IDUA: variants seen among roughly 807,000 people sequenced by gnomAD.
IDUA encodes iduronidase alpha-L-.
Under a neutral mutation model 68.9 loss-of-function variants are expected in IDUA, and 65 were observed. The ratio of observed to expected loss-of-function variants is 0.94; its 90% CI spans 0.77 to 1.16. IDUA has a LOEUF of 1.16. IDUA is among the 50% of genes most tolerant of loss of function. The probability of loss-of-function intolerance (pLI) is 0.00; values close to 1 mark genes in which losing one functional copy is unlikely to be tolerated. For missense variants in IDUA, 1,046 were observed against 938.0 expected, an observed-to-expected ratio of 1.12 and a Z score of -1.50; for synonymous variants, 529 against 433.6, an observed-to-expected ratio of 1.22 and a Z score of -2.73.
chr4:987,044 A>C lies in IDUA; in HGVS notation c.-41A>C. The C allele has an allele frequency of 7.0e-7, 1 of 1,423,442 alleles. No individual in the cohort carries two copies. The highest frequency in any genetic ancestry group is 9.2e-7 in the Non-Finnish European group (1 of 1,081,796). 88.2% of individuals were successfully genotyped at this position (1,423,442 alleles called of 1,614,324 possible). On this transcript the variant is annotated 5_prime_UTR_variant, in exon 1 of 14. Coordinates refer to ENST00000514224, the MANE Select transcript of IDUA (RefSeq NM_000203.5). ...ACTCCGACCCGGAGGCGGAACCGGCAGTGCAGCCCGAAGCCCCGCAGTCCC... is the reference window on the plus strand; with the variant it reads ...ACTCCGACCCGGAGGCGGAACCGGCCGTGCAGCCCGAAGCCCCGCAGTCCC...
chr4:1,004,267 T>C lies in IDUA; in HGVS notation c.1836T>C (p.Gly612=). The part of the protein sequence containing the change: ...FNLFVFSPDT[G]AVSGSYRVRA... ...ATGTCCCCTTGTCTCCAGACACAGG[T>C]GCTGTCTCTGGCTCCTACCGAGTTC... Residue 612 remains glycine (G), a synonymous_variant, in exon 14 of 14, where the codon GGT becomes GGC. Coordinates refer to ENST00000514224, the MANE Select transcript of IDUA (RefSeq NM_000203.5). This position sits in a 1 kb window ranked among gnomAD's most constrained non-coding sequence, Gnocchi z 5.0. 1 of 1,609,898 alleles carries C rather than the reference T, an allele frequency of 6.2e-7. No homozygotes were observed. The highest frequency in any genetic ancestry group is 8.5e-7 in the Non-Finnish European group (1 of 1,179,900).
In IDUA at chr4:1,002,331, C is replaced by T. The variant is rs374216702; in HGVS notation, c.1035C>T (p.Leu345=). 1.9e-6 allele frequency: 3 copies of T among 1,613,160 alleles called. No individual in the cohort carries two copies. Among genetic ancestry groups the T allele is most frequent in the East Asian group, 4.5e-5 (2 of 44,880 alleles). ...CCACCTCCGCCTTCCCCTACGCGCT[C>T]CTGAGCAACGACAATGCCTTCCTGA... is the stretch of plus-strand genomic sequence containing the variant. ...ANTTSAFPYA[L]LSNDNAFLSY... The change falls in exon 8 of 14, where the codon CTC becomes CTT. Residue 345 remains leucine, a synonymous_variant. Coordinates refer to ENST00000514224, the MANE Select transcript of IDUA (RefSeq NM_000203.5).
intron 2 of IDUA, chr4:991,512 G>A (rs770877252): frequency 3.1e-6 from 5 of 1,609,532 alleles, no homozygotes; most frequent in Non-Finnish European, 4.2e-6. Context: ...ACTCCCGCGG[G>A]CGGTACTGAC....
chr4:993,645 G>A (rs533615066), intron 2 of IDUA, among the ~76,000 whole-genome samples: 24 of 152,348 alleles, frequency 1.6e-4, no homozygotes, highest in Non-Finnish European at 3.2e-4. Flanking sequence ...GGGGCTTAGG[G>A]ACCAGCGGGA....
At chr4:993,274 G>A (rs560582309) in intron 2 of IDUA, 2 of 152,366 alleles carry the variant, frequency 1.3e-5, no homozygotes, top group Non-Finnish European at 2.9e-5. Context: ...TGCTGCAGCT[G>A]AGATCTGGGC....
Position 989,920 on chromosome 4 carries a change from C to T in IDUA, c.299+1971C>T, listed in dbSNP as rs550626988. ...CAGGGCCACGGCATCCAAAGCCACA[C>T]GCTGCATCAGCCTGGGCTCTGGGAC... is the stretch of plus-strand genomic sequence containing the variant. On this transcript the variant is annotated intron_variant, in intron 2 of 13. Coordinates refer to ENST00000514224, the MANE Select transcript of IDUA (RefSeq NM_000203.5). The T allele has an allele frequency of 3.7e-5, 58 of 1,560,114 alleles. No individual in the cohort carries two copies. In the South Asian group the frequency reaches 4.4e-4, roughly 12 times the overall value.
chr4:997,422 G>C (rs1284394159), intron 2 of IDUA, among the ~76,000 whole-genome samples: 1 of 148,076 alleles, frequency 6.8e-6, no homozygotes, highest in Admixed American at 6.7e-5. Context: ...CCATGCACGC[G>C]CGGCCCCGCC....
chr4:989,417 G>A (rs1714040970), intron 2 of IDUA: 10 of 1,557,870 alleles, frequency 6.4e-6, no homozygotes, highest in Non-Finnish European at 6.9e-6. Context: ...GCGGTGCGTG[G>A]GCGTTGGGTG....
rs2153022811 is a variant in IDUA at position 1,003,172 on chromosome 4, G to A, written c.1524+15G>A. On this transcript the variant is annotated intron_variant, in intron 10 of 13. Transcript: ENST00000514224. ...GCGCGGCTGAGGTAGGTGGGCCGCG[G>A]AGGGGCGAGGGGCCGGGCCGGGCCG... 2.2e-6 allele frequency: 3 copies of A among 1,339,276 alleles called. No homozygotes were observed. In the East Asian group the frequency reaches 9.4e-5, roughly 42 times the overall value. 83.0% of individuals were successfully genotyped at this position (1,339,276 alleles called of 1,614,324 possible).
In IDUA at chr4:1,004,176, G is replaced by A; in HGVS notation, c.1828+64G>A. 6.2e-7 allele frequency: 1 copy of A among 1,611,734 alleles called. No homozygotes were observed. The highest frequency in any genetic ancestry group is 8.5e-7 in the Non-Finnish European group (1 of 1,179,384). ...ATTCTTGGGCCTCAGGGCAGTACTG[G>A]GTGGGGGCCTCGAGAAGCCTGGGGT... On this transcript the variant is annotated intron_variant, in intron 13 of 13. Transcript: ENST00000514224. This position sits in a 1 kb window ranked among gnomAD's most constrained non-coding sequence, Gnocchi z 5.0.
chr4:998,330 C>T (rs942867990), intron 2 of IDUA, among the ~76,000 whole-genome samples: 3 of 152,186 alleles, frequency 2.0e-5, no homozygotes, highest in Non-Finnish European at 4.4e-5. Context: ...GTTGAGGTGT[C>T]CAGACCTTTG....
intron 2 of IDUA, among the ~76,000 whole-genome samples, chr4:997,130 C>T (rs1714784201): frequency 6.6e-6 from 1 of 152,214 alleles, no homozygotes; most frequent in Non-Finnish European, 1.5e-5. Context: ...GCCGACAGGG[C>T]TTTGAGACCG....
chr4:1,003,062 G>T lies in IDUA; in HGVS notation c.1429G>T (p.Asp477Tyr). ...CCTGGTCTACGTCACGCGCTACCTG[G>T]ACAACGGGCTCTGCAGCCCCGACGG... is the stretch of plus-strand genomic sequence containing the variant. ...PGLVYVTRYL[D>Y]NGLCSPDGEW... is the part of the protein sequence containing the mutation. The change falls in exon 10 of 14, where the codon GAC becomes TAC. Residue 477 changes from aspartate to tyrosine, a missense_variant. Transcript: ENST00000514224. The T allele has an allele frequency of 6.6e-7, 1 of 1,519,568 alleles. No individual in the cohort carries two copies. 94.1% of individuals were successfully genotyped at this position (1,519,568 alleles called of 1,614,324 possible). A position where few individuals can be genotyped will look rare whatever the true frequency, so the allele number is the denominator to read the frequency against.
chr4:1,003,059 C>T lies in IDUA; in HGVS notation c.1426C>T (p.Leu476=). ...AGGCCTGGTCTACGTCACGCGCTAC[C>T]TGGACAACGGGCTCTGCAGCCCCGA... ...GPGLVYVTRY[L]DNGLCSPDGE... The change falls in exon 10 of 14, where the codon CTG becomes TTG. Residue 476 remains leucine, a synonymous_variant. Coordinates refer to ENST00000514224, the MANE Select transcript of IDUA (RefSeq NM_000203.5). The T allele has an allele frequency of 1.3e-6, 2 of 1,518,356 alleles. No individual in the cohort carries two copies. Among genetic ancestry groups the T allele is most frequent in the Non-Finnish European group, 1.8e-6 (2 of 1,142,178 alleles). The allele number at this position is 1,518,356 out of a possible 1,614,324, so 94.1% of individuals were successfully genotyped here.
chr4:991,875 G>C, intron 2 of IDUA: 1 of 1,459,120 alleles, frequency 6.9e-7, no homozygotes, highest in South Asian at 1.2e-5. Context: ...CTGGCAGCGC[G>C]GGCCCCAGCC....
At chr4:998,009 C>A (rs144118704) in intron 2 of IDUA, among the ~76,000 whole-genome samples, 3 of 152,256 alleles carry the variant, frequency 2.0e-5, no homozygotes, top group Non-Finnish European at 4.4e-5. Context: ...GGTCACCGTG[C>A]CCCGCTACTC....
intron 4 of IDUA, 154 bp downstream of exon 4, chr4:1,001,143 G>C: frequency 1.5e-6 from 1 of 664,034 alleles, no homozygotes; most frequent in Non-Finnish European, 2.7e-6. Flanking sequence ...GGATAGGTTG[G>C]TGGTCGGCGC....
chr4:987,973 C>T (rs770206510), intron 2 of IDUA, 24 bp downstream of exon 2: 12 of 1,549,972 alleles, frequency 7.7e-6, no homozygotes, highest in East Asian at 4.8e-5. Flanking sequence ...AGGGTCTGGG[C>T]GTCCCAGAGC....
rs1475290359 is a variant in IDUA, at chr4:1,002,408, T to A, written c.1112T>A (p.Val371Asp). 1.9e-6 allele frequency: 3 copies of A among 1,591,070 alleles called. No individual in the cohort carries two copies. The highest frequency in any genetic ancestry group is 3.6e-5 in the Admixed American group (2 of 56,276). Residue 371 changes from valine (V) to aspartate (D), a missense_variant, in exon 8 of 14, where the codon GTC (valine) becomes GAC (aspartate). Coordinates refer to ENST00000514224, the MANE Select transcript of IDUA (RefSeq NM_000203.5). ...AQRTLTARFQ[V>D]NNTRPPHVQL... ...CGCACGCTCACCGCGCGCTTCCAGG[T>A]CAACAACACCCGCCCGCCGCACGTG...
Sources: allele counts gnomAD v4.1 joint callset (sites outside exome capture counted in the v4.1 genomes callset), GRCh38; gene constraint gnomAD v4.1.1; non-coding constraint Gnocchi (gnomAD v3.1); transcripts MANE v1.5; gene names NCBI Gene and HGNC (gene_info 2026-07-23, HGNC 2026-07-21).